The following GABRG3 variants were observed in gnomAD, a reference collection of about 807,000 sequenced individuals.
GABRG3 encodes gamma-aminobutyric acid receptor subunit gamma-3.
In GABRG3, 25 loss-of-function variants were observed where a neutral mutation model predicts 48.8. The ratio of observed to expected loss-of-function variants is 0.51; its 90% confidence interval spans 0.37 to 0.72. The LOEUF is 0.72. Among genes scored for constraint, GABRG3 ranks in the 30% least tolerant of loss-of-function variants. The pLI is 0.00. For synonymous variants in GABRG3, 227 were observed against 217.6 expected (o/e 1.04, Z -0.38); for missense variants, 394 against 577.9 (o/e 0.68, Z 3.26).
intron 3 of GABRG3, among the ~76,000 whole-genome samples, chr15:27,028,781 G>C (rs983541085): frequency 2.7e-5 from 4 of 145,888 alleles, no homozygotes; most frequent in Admixed American, 1.4e-4. Flanking sequence ...ACTCCAGCCT[G>C]GGTGACAGAG....
chr15:27,194,868 C>T lies in GABRG3; in HGVS notation c.271-131941C>T, dbSNP rs548300235. Among the ~76,000 whole-genome samples the T allele has an allele frequency of 3.9e-5, 6 of 152,228 alleles. No homozygotes were observed. In the South Asian group the frequency reaches 8.3e-4, roughly 21 times the overall value. ...GTTTCAATCCTCTCTCTCTCTTCTC[C>T]TTCCAAAATTCTGACAGTATAAAAG... On this transcript the variant is annotated intron_variant, in intron 3 of 9. Coordinates refer to ENST00000615808, the MANE Select transcript of GABRG3 (RefSeq NM_033223.5).
intron 3 of GABRG3, among the ~76,000 whole-genome samples, chr15:27,260,452 A>G (rs1890736181): frequency 2.0e-5 from 3 of 152,174 alleles, no homozygotes; most frequent in South Asian, 2.1e-4. Context: ...AGTCTATAAC[A>G]TGGTGCACGG....
At chr15:27,105,795 A>C (rs896231948) in intron 3 of GABRG3, among the ~76,000 whole-genome samples, 4 of 152,114 alleles carry the variant, frequency 2.6e-5, no homozygotes, top group Non-Finnish European at 5.9e-5. Context: ...GGACAAAATG[A>C]AATCACCACT....
chr15:27,016,524 C>T (rs1288306920), intron 2 of GABRG3, among the ~76,000 whole-genome samples: 1 of 152,104 alleles, frequency 6.6e-6, no homozygotes, highest in Non-Finnish European at 1.5e-5. Flanking sequence ...TTTCTGCTTT[C>T]AAGATTCTCA....
At chr15:27,312,303 T>G (rs1941531306) in intron 3 of GABRG3, among the ~76,000 whole-genome samples, 1 of 151,886 alleles carries the variant, frequency 6.6e-6, no homozygotes. Flanking sequence ...GCTTCAAGGA[T>G]TTAAAAGACA....
chr15:27,282,268 A>G (rs1368870923), intron 3 of GABRG3, among the ~76,000 whole-genome samples: 1 of 152,104 alleles, frequency 6.6e-6, no homozygotes, highest in Admixed American at 6.5e-5. Context: ...CTGTTGCCTA[A>G]ATTCGGAAGT....
intron 5 of GABRG3, among the ~76,000 whole-genome samples, chr15:27,330,492 GA>G (rs1893768366): frequency 1.3e-5 from 2 of 152,168 alleles, no homozygotes; most frequent in South Asian, 4.1e-4. Context: ...GTTCTCACTG[GA>G]AACCTTATTT....
intron 3 of GABRG3, among the ~76,000 whole-genome samples, chr15:27,245,493 T>C (rs1890241985): frequency 6.6e-6 from 1 of 152,212 alleles, no homozygotes; most frequent in African/African-American, 2.4e-5. Context: ...CTAAAATCTG[T>C]CTTCAAAAAT....
intron 3 of GABRG3, among the ~76,000 whole-genome samples, chr15:27,125,400 T>C (rs1268156693): frequency 6.6e-6 from 1 of 152,148 alleles, no homozygotes; most frequent in Non-Finnish European, 1.5e-5. Flanking sequence ...CACAAAGTTA[T>C]AGCCAAATAG....
rs1189051927 is a variant in GABRG3 at position 26,992,213 on chromosome 15, GT to G, written c.202+15068del. Among the ~76,000 whole-genome samples, 7 of 152,224 alleles carry G rather than the reference GT, an allele frequency of 4.6e-5. No individual in the cohort carries two copies. The South Asian group carries it at 1.5e-3, about 32-fold the overall frequency. ...TGATGACTTCTTTTCCAATTTGGAT[GT>G]TTTTATTTCTTTCTCTTCTCTGATT... On this transcript the variant is annotated intron_variant, in intron 2 of 9. Coordinates refer to ENST00000615808, the MANE Select transcript of GABRG3 (RefSeq NM_033223.5).
intron 3 of GABRG3, among the ~76,000 whole-genome samples, chr15:27,273,645 C>G (rs1451487990): frequency 6.6e-6 from 1 of 152,182 alleles, no homozygotes; most frequent in Non-Finnish European, 1.5e-5. Context: ...GTACAGTCAC[C>G]TGAACATAAG....
intron 3 of GABRG3, among the ~76,000 whole-genome samples, chr15:27,324,187 C>T (rs1280390771): frequency 6.6e-6 from 1 of 152,234 alleles, no homozygotes; most frequent in Non-Finnish European, 1.5e-5. Flanking sequence ...AAAAGGTCAA[C>T]CTTGTTCCGG....
chr15:27,028,720 C>T (rs569316554), intron 3 of GABRG3, among the ~76,000 whole-genome samples: 3 of 149,710 alleles, frequency 2.0e-5, no homozygotes, highest in South Asian at 2.1e-4. Flanking sequence ...GCAGAAGAAT[C>T]GCTTGAATCC....
chr15:27,161,654 A>G (rs1283473262), intron 3 of GABRG3, among the ~76,000 whole-genome samples: 1 of 152,116 alleles, frequency 6.6e-6, no homozygotes, highest in Non-Finnish European at 1.5e-5. Flanking sequence ...ATACTTTAGC[A>G]TTTTGAATAT....
intron 6 of GABRG3, among the ~76,000 whole-genome samples, chr15:27,503,400 C>T (rs1890689288): frequency 6.6e-6 from 1 of 152,184 alleles, no homozygotes; most frequent in South Asian, 2.1e-4. Flanking sequence ...ACCACACCCA[C>T]TTTGCTCCCA....
chr15:27,489,200 A>C (rs1047701284), intron 6 of GABRG3, among the ~76,000 whole-genome samples: 10 of 152,192 alleles, frequency 6.6e-5, no homozygotes, highest in African/African-American at 2.2e-4. Context: ...CCTGCAAAGG[A>C]CATGAACTCA....
At chr15:27,490,588 A>G (rs1350457037) in intron 6 of GABRG3, among the ~76,000 whole-genome samples, 1 of 152,176 alleles carries the variant, frequency 6.6e-6, no homozygotes, top group Non-Finnish European at 1.5e-5. Context: ...GCCGTCAATT[A>G]GATAACCTGG....
chr15:27,464,989 A>C (rs1889561473), intron 5 of GABRG3, among the ~76,000 whole-genome samples: 2 of 152,176 alleles, frequency 1.3e-5, no homozygotes, highest in South Asian at 4.1e-4. Context: ...AAATTAATAA[A>C]TATGTAAGTC....
chr15:27,243,267 C>T (rs192822800), intron 3 of GABRG3, among the ~76,000 whole-genome samples: 2 of 152,270 alleles, frequency 1.3e-5, no homozygotes, highest in East Asian at 1.9e-4. Flanking sequence ...ATGTTACCAT[C>T]GTGAACGCTG....
Sources: gnomAD v4.1 joint callset for allele counts (sites outside exome capture counted in the v4.1 genomes callset) on GRCh38, gnomAD v4.1.1 for gene constraint, MANE v1.5 for transcripts, NCBI Gene and HGNC (gene_info 2026-07-23, HGNC 2026-07-21) for gene names.